PTPRE: variants seen among roughly 807,000 people sequenced by gnomAD.
The protein encoded by PTPRE is receptor-type tyrosine-protein phosphatase epsilon.
Under a neutral mutation model 102.0 loss-of-function variants are expected in PTPRE, and 51 were observed. That is an observed-to-expected ratio of 0.50 (90% CI 0.40 to 0.63). The LOEUF (loss-of-function observed/expected upper bound fraction) is 0.63, where lower values mean the gene tolerates loss of function less well. Among genes scored for constraint, PTPRE ranks in the 30% least tolerant of loss-of-function variants. The pLI is 0.00. For missense variants in PTPRE, 752 were observed against 915.1 expected (o/e 0.82, Z 2.30); for synonymous variants, 345 against 348.2 (o/e 0.99, Z 0.10).
Position 127,986,974 on chromosome 10 carries a change from G to A in PTPRE, c.-8+4678G>A, listed in dbSNP as rs1268343801. ...TTTTATGAGCACCAATGGATTCCAC[G>A]GGTTTCTATCCAAGCCACAGCGACA... is the stretch of plus-strand genomic sequence containing the variant. On this transcript the variant is annotated intron_variant, in intron 2 of 20. Transcript: ENST00000254667. Among the ~76,000 whole-genome samples the A allele has an allele frequency of 3.3e-5, 5 of 152,138 alleles. No homozygotes were observed. The East Asian group carries it at 5.8e-4, about 18-fold the overall frequency.
At chr10:128,010,971 C>G (rs901408748) in intron 2 of PTPRE, among the ~76,000 whole-genome samples, 1 of 152,180 alleles carries the variant, frequency 6.6e-6, no homozygotes, top group African/African-American at 2.4e-5. Context: ...CAGGAGCCAC[C>G]CGTCTTCCTG....
intron 2 of PTPRE, among the ~76,000 whole-genome samples, chr10:127,994,255 C>T (rs990127493): frequency 9.2e-5 from 14 of 152,166 alleles, no homozygotes; most frequent in Non-Finnish European, 5.9e-5. Flanking sequence ...CTTTCTTTTC[C>T]GGGGGAGCAC....
intron 1 of PTPRE, among the ~76,000 whole-genome samples, chr10:127,926,580 C>T (rs1040230032): frequency 3.3e-5 from 5 of 152,078 alleles, no homozygotes; most frequent in Non-Finnish European, 5.9e-5. Flanking sequence ...GGCTGGGAGG[C>T]TGGCTGGTGT....
At chr10:128,053,427 C>T (rs1312255953) in intron 6 of PTPRE, among the ~76,000 whole-genome samples, 3 of 152,200 alleles carry the variant, frequency 2.0e-5, no homozygotes, top group African/African-American at 7.2e-5. Context: ...GGTGTGCAGA[C>T]CCCTCCAGGT....
rs1844695014 is a variant in PTPRE, at chr10:128,008,440, T to C, written c.-8+26144T>C. On this transcript the variant is annotated intron_variant, in intron 2 of 20. Transcript: ENST00000254667. The surrounding 1 kb of genome is among the most constrained non-coding windows in gnomAD (Gnocchi z 4.0). The stretch of plus-strand genomic sequence containing the variant: ...AAATCCTAGAGATGCTTAGCAAAAG[T>C]TTCAGTAGCCAGGGATAATGTCAAA... 6.6e-6 allele frequency among the ~76,000 whole-genome samples: 1 copy of C among 152,178 alleles called. No individual in the cohort carries two copies. Among genetic ancestry groups the C allele is most frequent in the South Asian group, 2.1e-4 (1 of 4,830 alleles).
chr10:128,077,486 G>C, intron 18 of PTPRE, 131 bp from the exon 19 acceptor site: 1 of 1,176,228 alleles, frequency 8.5e-7, no homozygotes, highest in Non-Finnish European at 1.2e-6. Flanking sequence ...AGGCTGCCTC[G>C]GTGGGGATGT....
At chr10:128,077,582 G>A in intron 18 of PTPRE, 35 bp from the exon 19 acceptor site, 1 of 1,575,472 alleles carries the variant, frequency 6.3e-7, no homozygotes, top group Non-Finnish European at 8.7e-7. Context: ...TCCCCGGCAG[G>A]CAGGCGACGC....
chr10:128,071,095 G>C (rs1279026440), intron 15 of PTPRE, 194 bp downstream of exon 15: 1 of 608,434 alleles, frequency 1.6e-6, no homozygotes, highest in Non-Finnish European at 2.9e-6. Context: ...AGCACCAGCT[G>C]ACCCAGACAG....
intron 1 of PTPRE, among the ~76,000 whole-genome samples, chr10:127,914,161 C>G (rs1433681949): frequency 6.6e-6 from 1 of 152,200 alleles, no homozygotes; most frequent in Non-Finnish European, 1.5e-5. Flanking sequence ...CTTGTTCCCA[C>G]TCTCACTGTG....
intron 3 of PTPRE, among the ~76,000 whole-genome samples, chr10:128,042,933 A>G (rs1259486934): frequency 6.6e-6 from 1 of 152,258 alleles, no homozygotes; most frequent in East Asian, 1.9e-4. Flanking sequence ...AATCATGAAA[A>G]GATGCTCAAC....
intron 1 of PTPRE, among the ~76,000 whole-genome samples, chr10:127,964,115 C>T (rs184507467): frequency 1.3e-5 from 2 of 152,242 alleles, no homozygotes; most frequent in African/African-American, 2.4e-5. Context: ...AACTGCAGTC[C>T]GTCGCCCCCT....
At chr10:128,056,073 A>T in intron 6 of PTPRE, 50 bp from the exon 7 acceptor site, 1 of 1,404,820 alleles carries the variant, frequency 7.1e-7, no homozygotes, top group Non-Finnish European at 1.0e-6. Context: ...TGACATGAGC[A>T]TGGTGCTTGA....
chr10:127,931,008 G>A (rs1043737513), intron 1 of PTPRE, among the ~76,000 whole-genome samples: 3 of 152,042 alleles, frequency 2.0e-5, no homozygotes, highest in African/African-American at 7.2e-5. Context: ...GGTCAGGATG[G>A]TCTCAATCTC....
chr10:128,019,884 G>A (rs1845728172), intron 2 of PTPRE, among the ~76,000 whole-genome samples: 1 of 152,216 alleles, frequency 6.6e-6, no homozygotes, highest in Non-Finnish European at 1.5e-5. Context: ...GGGGTGGACG[G>A]CCTGGCTTTG....
At chr10:127,960,716 T>G (rs1486188078) in intron 1 of PTPRE, among the ~76,000 whole-genome samples, 4 of 152,106 alleles carry the variant, frequency 2.6e-5, no homozygotes, top group African/African-American at 9.7e-5. Flanking sequence ...TCCAAATACG[T>G]GAGGCTTTTC....
intron 2 of PTPRE, among the ~76,000 whole-genome samples, chr10:128,010,020 A>G (rs1036367602): frequency 6.6e-6 from 1 of 151,096 alleles, no homozygotes; most frequent in Non-Finnish European, 1.5e-5. Context: ...TGGTCACCCT[A>G]TTTATAGAAC....
chr10:128,018,341 C>T (rs1845601002), intron 2 of PTPRE, among the ~76,000 whole-genome samples: 1 of 152,206 alleles, frequency 6.6e-6, no homozygotes, highest in East Asian at 1.9e-4. Flanking sequence ...AGGCACCAGA[C>T]CCCCAGGGGC....
intron 2 of PTPRE, among the ~76,000 whole-genome samples, chr10:128,015,251 GA>G (rs746729572): frequency 4.6e-5 from 7 of 152,200 alleles, no homozygotes; most frequent in Non-Finnish European, 1.5e-5. Context: ...TGTGTATCAA[GA>G]GGAGAATGGG....
At chr10:127,959,698 G>T (rs1849660405) in intron 1 of PTPRE, among the ~76,000 whole-genome samples, 1 of 152,194 alleles carries the variant, frequency 6.6e-6, no homozygotes, top group South Asian at 2.1e-4. Context: ...CACAACTGTG[G>T]AGTCAGACCT....
Sources: gnomAD v4.1 joint callset for allele counts (sites outside exome capture counted in the v4.1 genomes callset) on GRCh38, gnomAD v4.1.1 for gene constraint, Gnocchi (gnomAD v3.1) non-coding constraint, MANE v1.5 for transcripts, NCBI Gene and HGNC (gene_info 2026-07-23, HGNC 2026-07-21) for gene names.